Variants in SCYL1 observed in about 807,000 individuals in gnomAD.
SCYL1 encodes N-terminal kinase-like protein.
SCYL1 carries 85 observed loss-of-function variants against 94.8 expected under a neutral mutation model. The observed-to-expected ratio is 0.90, with a 90% CI of 0.75 to 1.07. SCYL1 has a LOEUF of 1.07. SCYL1 is among the 50% of genes least tolerant of loss of function. The probability of loss-of-function intolerance (pLI) is 0.00; values close to 1 mark genes in which losing one functional copy is unlikely to be tolerated. For synonymous variants in SCYL1, 459 were observed against 435.5 expected, an observed-to-expected ratio of 1.05 and a Z score of -0.67; for missense variants, 968 against 1,083.3, an observed-to-expected ratio of 0.89 and a Z score of 1.49.
Position 65,538,496 on chromosome 11 carries a change from T to C in SCYL1, c.2357T>C (p.Met786Thr). ...RKKREERRRE[M>T]EAKRAERKVA... is the part of the protein sequence containing the mutation. ...AAGCGCGAGGAGCGGCGGCGGGAGA[T>C]GGAGGCCAAACGCGCCGAGAGGAAG... is the stretch of plus-strand genomic sequence containing the variant. Residue 786 changes from methionine (M) to threonine (T), a missense_variant, in exon 18 of 18, where the codon ATG becomes ACG. Physicochemically the swap from Met to Thr is moderately conservative, Grantham distance 81. This residue lies in a region of SCYL1 where 474 missense variants were observed against 463.6 expected (regional missense o/e 1.02). Coordinates refer to ENST00000270176, the MANE Select transcript of SCYL1 (RefSeq NM_020680.4). 1 of 1,602,808 alleles carries C rather than the reference T, an allele frequency of 6.2e-7. No homozygotes were observed. The highest frequency in any genetic ancestry group is 8.5e-7 in the Non-Finnish European group (1 of 1,176,108).
chr11:65,531,843 A>C (rs1455546136), intron 8 of SCYL1, among the ~76,000 whole-genome samples, 160 bp downstream of exon 8: 1 of 152,188 alleles, frequency 6.6e-6, no homozygotes, highest in East Asian at 1.9e-4. Flanking sequence ...AAAGTTGGCC[A>C]CATACAGGGC....
At chr11:65,535,890 TG>T in intron 10 of SCYL1, 62 bp from the exon 11 acceptor site, 1 of 1,466,258 alleles carries the variant, frequency 6.8e-7, no homozygotes, top group Non-Finnish European at 9.2e-7. Context: ...AAGTAAGGGC[TG>T]GTGGTTCTGG....
At position 65,535,201 on chromosome 11, in the gene SCYL1, A is replaced by C. The variant is rs763005520; in HGVS notation, c.1231-26A>C. 7 of 1,608,748 alleles carry C rather than the reference A, an allele frequency of 4.4e-6. No homozygotes were observed. In the Admixed American group the frequency reaches 1.2e-4, roughly 27 times the overall value. On this transcript the variant is annotated intron_variant, in intron 9 of 17. Transcript: ENST00000270176. Reference sequence around the variant, plus strand: ...AGGCCCTTTGCCCGCCACAGCCCACAGTTCCCACTCATTTCTGCCCCACAG... The same window carrying C: ...AGGCCCTTTGCCCGCCACAGCCCACCGTTCCCACTCATTTCTGCCCCACAG...
intron 10 of SCYL1, 29 bp from the exon 11 acceptor site, chr11:65,535,924 C>T: frequency 6.5e-7 from 1 of 1,542,392 alleles, no homozygotes. Flanking sequence ...ACCCTACACT[C>T]AGGAGCCCTC....
chr11:65,535,504 T>C, intron 10 of SCYL1, 122 bp downstream of exon 10: 1 of 1,278,670 alleles, frequency 7.8e-7, no homozygotes, highest in Non-Finnish European at 1.1e-6. Flanking sequence ...CTGCACGCTG[T>C]TGGCCCCATA....
At chr11:65,529,696 G>A (rs1855273738) in intron 6 of SCYL1, among the ~76,000 whole-genome samples, 1 of 152,220 alleles carries the variant, frequency 6.6e-6, no homozygotes, top group Non-Finnish European at 1.5e-5. Context: ...ACAACACTGG[G>A]TCATGACCCC....
chr11:65,537,449 G>C (rs1339769215), intron 14 of SCYL1, among the ~76,000 whole-genome samples: 2 of 152,042 alleles, frequency 1.3e-5, no homozygotes, highest in African/African-American at 4.8e-5. Context: ...GGCCACTCCT[G>C]GGTCTAGAAC....
chr11:65,525,404 T>C, intron 1 of SCYL1, 140 bp downstream of exon 1: 1 of 1,050,488 alleles, frequency 9.5e-7, no homozygotes, highest in South Asian at 1.7e-5. Context: ...GGGCAGTGCC[T>C]ACGTGGCGGG....
In SCYL1 at chr11:65,537,981, C is replaced by A; in HGVS notation, c.2046C>A (p.Asp682Glu). 1 of 1,611,658 alleles carries A rather than the reference C, an allele frequency of 6.2e-7. No homozygotes were observed. Among genetic ancestry groups the A allele is most frequent in the Non-Finnish European group, 8.5e-7 (1 of 1,178,660 alleles). Residue 682 changes from aspartate to glutamate, a missense_variant, in exon 16 of 18, where the codon GAC (aspartate) becomes GAA (glutamate). Physicochemically the swap from Asp to Glu is conservative, Grantham distance 45. Coordinates refer to ENST00000270176, the MANE Select transcript of SCYL1 (RefSeq NM_020680.4). ...CTCTTCTACAGGTCAGCAACTCCGA[C>A]CACAAATCCTCCAAATCCCCAGAGT... ...VSRASQVSNS[D>E]HKSSKSPESD...
At chr11:65,531,775 G>A in intron 8 of SCYL1, 92 bp downstream of exon 8, 1 of 881,906 alleles carries the variant, frequency 1.1e-6, no homozygotes, top group East Asian at 2.6e-5. Flanking sequence ...AGGGACCCCA[G>A]AAACCCCACC....
chr11:65,535,932 C>A, intron 10 of SCYL1, 21 bp from the exon 11 acceptor site: 1 of 1,549,022 alleles, frequency 6.5e-7, no homozygotes, highest in East Asian at 2.3e-5. Flanking sequence ...CTCAGGAGCC[C>A]TCTTTCCTGC....
intron 1 of SCYL1, 66 bp downstream of exon 1, chr11:65,525,330 C>T: frequency 1.6e-6 from 2 of 1,241,742 alleles, no homozygotes; most frequent in Non-Finnish European, 2.1e-6. Flanking sequence ...GCCGCCGACC[C>T]CGTCGCGTTG....
At chr11:65,536,458 T>G in intron 12 of SCYL1, 124 bp downstream of exon 12, 1 of 1,417,078 alleles carries the variant, frequency 7.1e-7, no homozygotes, top group South Asian at 1.2e-5. Flanking sequence ...AGCTCCCCCT[T>G]CACAGATGGG....
rs769167416 is a variant in SCYL1 at position 65,526,782 on chromosome 11, G to A, written c.603-1G>A. ...CTAAGAGCTCTGGGTCACTGCCACA[G>A]GTCAGCAGACATGTGGCGCTTGGGC... On this transcript the variant is annotated splice_acceptor_variant, in intron 4 of 17. Coordinates refer to ENST00000270176, the MANE Select transcript of SCYL1 (RefSeq NM_020680.4). LOFTEE classifies it high-confidence loss of function. This position sits in a 1 kb window ranked among gnomAD's most constrained non-coding sequence, Gnocchi z 4.1. 6.2e-7 allele frequency: 1 copy of A among 1,612,014 alleles called. No homozygotes were observed. The highest frequency in any genetic ancestry group is 1.1e-5 in the South Asian group (1 of 90,994).
Position 65,538,452 on chromosome 11 carries a change from G to A in SCYL1, c.2313G>A (p.Lys771=), listed in dbSNP as rs1355019205. The change falls in exon 18 of 18, where the codon AAG becomes AAA. Residue 771 remains lysine (K), a synonymous_variant. Coordinates refer to ENST00000270176, the MANE Select transcript of SCYL1 (RefSeq NM_020680.4). ...EGLETDSRQV[K]AELARKKREE... ...CCTTCCTGACGCCAGGACAGGTCAA[G>A]GCTGAGCTGGCCCGGAAGAAGCGCG... The A allele has an allele frequency of 3.8e-6, 6 of 1,562,376 alleles. No individual in the cohort carries two copies. The highest frequency in any genetic ancestry group is 5.2e-6 in the Non-Finnish European group (6 of 1,155,362).
intron 9 of SCYL1, 121 bp from the exon 10 acceptor site, chr11:65,535,106 G>A (rs775672179): frequency 9.8e-5 from 125 of 1,277,192 alleles, no homozygotes; most frequent in Non-Finnish European, 1.2e-4. Flanking sequence ...GGCCCAGGCT[G>A]GGAGGTGGCC....
At chr11:65,529,251 AC>A (rs1337816305) in intron 6 of SCYL1, among the ~76,000 whole-genome samples, 1 of 152,126 alleles carries the variant, frequency 6.6e-6, no homozygotes, top group Non-Finnish European at 1.5e-5. Flanking sequence ...GCTGCTGGAA[AC>A]GCTGAGACCC....
intron 14 of SCYL1, 22 bp downstream of exon 14, chr11:65,537,150 T>G: frequency 6.2e-7 from 1 of 1,612,848 alleles, no homozygotes. Context: ...TGAGGGAGCC[T>G]CCCCAGGGGA....
In SCYL1 at chr11:65,536,756, T is replaced by C; in HGVS notation, c.1816+6T>C. 1 of 1,591,788 alleles carries C rather than the reference T, an allele frequency of 6.3e-7. No individual in the cohort carries two copies. Among genetic ancestry groups the C allele is most frequent in the Non-Finnish European group, 8.6e-7 (1 of 1,164,588 alleles). On this transcript the variant is annotated splice_donor_region_variant and intron_variant, in intron 13 of 17. Transcript: ENST00000270176. ...CCAAAGACCCACGCCTGAAGGTGAG[T>C]GTCCTGGCCTAGCTGCATCAGTGGC...
Sources: gnomAD v4.1 joint callset for allele counts (sites outside exome capture counted in the v4.1 genomes callset) on GRCh38, gnomAD v4.1.1 for gene constraint, gnomAD v4.1.1 regional missense constraint, Gnocchi (gnomAD v3.1) non-coding constraint, MANE v1.5 for transcripts, NCBI Gene and HGNC (gene_info 2026-07-23, HGNC 2026-07-21) for gene names.